The following SEM1 variants were observed in gnomAD, a reference collection of about 807,000 sequenced individuals.
The protein encoded by SEM1 is SEM1 26S proteasome subunit.
SEM1 carries 3 observed loss-of-function variants against 12.7 expected under a neutral mutation model. That is an observed-to-expected ratio of 0.24 (90% CI 0.11 to 0.61). The LOEUF (loss-of-function observed/expected upper bound fraction) is 0.61. Among genes scored for constraint, SEM1 ranks in the 20% least tolerant of loss-of-function variants. SEM1 has a pLI of 0.88. For missense variants in SEM1, 59 were observed against 81.3 expected (o/e 0.73, Z 1.06); for synonymous variants, 30 against 27.8 (o/e 1.08, Z -0.25).
chr7:96,553,129 T>C (rs1805347895), intron 2 of SEM1, among the ~76,000 whole-genome samples: 2 of 152,186 alleles, frequency 1.3e-5, no homozygotes, highest in South Asian at 4.1e-4. Flanking sequence ...GAAAATTTTC[T>C]CCTATTTTGT....
chr7:96,669,985 A>G (rs1789271658), downstream of SEM1, among the ~76,000 whole-genome samples: 1 of 152,196 alleles, frequency 6.6e-6, no homozygotes, highest in Non-Finnish European at 1.5e-5. Context: ...TCCTTTATAG[A>G]TGAGGCTAAG....
At chr7:96,605,239 T>A (rs1285660997) in intron 2 of SEM1, among the ~76,000 whole-genome samples, 1 of 152,182 alleles carries the variant, frequency 6.6e-6, no homozygotes, top group Admixed American at 6.5e-5. Context: ...CTAGTTGCTC[T>A]TCAGCCTTTG....
chr7:96,689,702 A>C (rs766544779), intron 2 of SEM1, among the ~76,000 whole-genome samples: 5 of 152,206 alleles, frequency 3.3e-5, no homozygotes, highest in Non-Finnish European at 5.9e-5. Flanking sequence ...TTGCTTTCCT[A>C]AAATTTTTAG....
At chr7:96,661,736 C>G (rs1789007785) in intron 2 of SEM1, among the ~76,000 whole-genome samples, 1 of 152,092 alleles carries the variant, frequency 6.6e-6, no homozygotes, top group South Asian at 2.1e-4. Context: ...GCCTGTAATC[C>G]CAGCACTTTG....
intron 2 of SEM1, among the ~76,000 whole-genome samples, chr7:96,631,661 A>G (rs1808266302): frequency 6.6e-6 from 1 of 152,250 alleles, no homozygotes; most frequent in South Asian, 2.1e-4. Context: ...CTCCATGAAT[A>G]AAACACCAAA....
chr7:96,655,677 C>A (rs1365884526), intron 2 of SEM1, among the ~76,000 whole-genome samples: 1 of 152,052 alleles, frequency 6.6e-6, no homozygotes, highest in Non-Finnish European at 1.5e-5. Flanking sequence ...ACAAACCGAT[C>A]GCTCCCAAAA....
chr7:96,547,594 G>A (rs1023172154), intron 2 of SEM1, among the ~76,000 whole-genome samples: 2 of 152,120 alleles, frequency 1.3e-5, no homozygotes, highest in African/African-American at 4.8e-5. Context: ...TTCACTGTCT[G>A]TCGTTTTTTA....
chr7:96,543,120 T>C (rs1466980726), intron 2 of SEM1, among the ~76,000 whole-genome samples: 1 of 151,550 alleles, frequency 6.6e-6, no homozygotes, highest in Non-Finnish European at 1.5e-5. Flanking sequence ...CCTCTCCACA[T>C]TTGTGGGTTC....
intron 2 of SEM1, among the ~76,000 whole-genome samples, chr7:96,690,945 G>A (rs1388576301): frequency 6.6e-6 from 1 of 152,010 alleles, no homozygotes; most frequent in Non-Finnish European, 1.5e-5. Flanking sequence ...TAATTTTTTT[G>A]TATTTTTAGT....
chr7:96,521,649 A>G (rs1440841709), intron 2 of SEM1, among the ~76,000 whole-genome samples: 2 of 152,032 alleles, frequency 1.3e-5, no homozygotes, highest in African/African-American at 4.8e-5. Flanking sequence ...TGGCAGTTTC[A>G]TGTTCTTCTG....
At chr7:96,521,483 A>G (rs1452273805) in intron 2 of SEM1, among the ~76,000 whole-genome samples, 1 of 152,158 alleles carries the variant, frequency 6.6e-6, no homozygotes, top group Non-Finnish European at 1.5e-5. Context: ...TCCAAACACC[A>G]GATCAATCAT....
At chr7:96,652,205 AAAT>A (rs1349432557) in intron 2 of SEM1, among the ~76,000 whole-genome samples, 1 of 152,188 alleles carries the variant, frequency 6.6e-6, no homozygotes, top group Non-Finnish European at 1.5e-5. Flanking sequence ...CTTTATATTG[AAAT>A]AATATTTATT....
intron 2 of SEM1, chr7:96,650,641 T>G: frequency 3.1e-6 from 2 of 637,362 alleles, no homozygotes; most frequent in South Asian, 3.6e-5. Context: ...CCCCCCAAGT[T>G]CCAAATTTAA....
chr7:96,698,977 T>G (rs1171683457), intron 1 of SEM1, among the ~76,000 whole-genome samples: 1 of 152,168 alleles, frequency 6.6e-6, no homozygotes. Flanking sequence ...CCTGGTAGAT[T>G]TGTGGCTTTA....
intron 2 of SEM1, among the ~76,000 whole-genome samples, chr7:96,530,600 T>A (rs1804609467): frequency 6.6e-6 from 1 of 152,122 alleles, no homozygotes. Context: ...AGGGTCCTCA[T>A]GAGGGATAAA....
chr7:96,569,044 AG>A, intron 2 of SEM1, among the ~76,000 whole-genome samples: 1 of 152,082 alleles, frequency 6.6e-6, no homozygotes, highest in Non-Finnish European at 1.5e-5. Context: ...TATTAAATCC[AG>A]TATTAGCTGT....
chr7:96,585,274 G>T (rs572048455), intron 2 of SEM1, among the ~76,000 whole-genome samples: 1 of 152,324 alleles, frequency 6.6e-6, no homozygotes, highest in African/African-American at 2.4e-5. Context: ...TCCCAGTTAG[G>T]CTGCTCAGGG....
chr7:96,659,249 A>T (rs1368972577), intron 2 of SEM1, among the ~76,000 whole-genome samples: 1 of 152,212 alleles, frequency 6.6e-6, no homozygotes, highest in Non-Finnish European at 1.5e-5. Flanking sequence ...CAAAGGGAAA[A>T]TTTGAAAAGC....
Position 96,617,010 on chromosome 7 carries a change from G to T in SEM1, c.170+77788C>A, listed in dbSNP as rs1273888046. On this transcript the variant is annotated intron_variant and NMD_transcript_variant, in intron 2 of 3. Coordinates refer to the SEM1 transcript ENST00000466986. ...CTCCAGCTTAGTTCTTTTTGTTCAG[G>T]ATTGCTTTGGTTATTCAGGCTCTTT... 2.0e-5 allele frequency among the ~76,000 whole-genome samples: 3 copies of T among 152,096 alleles called. No individual in the cohort carries two copies. The South Asian group carries it at 6.2e-4, about 32-fold the overall frequency.
Sources: allele counts gnomAD v4.1 joint callset (sites outside exome capture counted in the v4.1 genomes callset), GRCh38; gene constraint gnomAD v4.1.1; transcripts MANE v1.5; gene names NCBI Gene and HGNC (gene_info 2026-07-23, HGNC 2026-07-21).